The following NLGN1 variants were observed in gnomAD, a reference collection of about 807,000 sequenced individuals.
The protein encoded by NLGN1 is neuroligin-1.
A neutral mutation model predicts 65.5 loss-of-function variants in NLGN1; 12 were observed. The observed-to-expected ratio is 0.18, with a 90% CI of 0.12 to 0.30. The LOEUF (loss-of-function observed/expected upper bound fraction) is 0.30. Ranked by LOEUF, NLGN1 falls within the 10% of genes least tolerant of loss-of-function variation. The pLI, the probability that NLGN1 is intolerant of heterozygous loss-of-function variation, is 1.00. For synonymous variants in NLGN1, 350 were observed against 359.5 expected (o/e 0.97, Z 0.30); for missense variants, 750 against 1,007.1 (o/e 0.74, Z 3.46).
At chr3:174,202,021 C>T (rs1374362677) in intron 4 of NLGN1, among the ~76,000 whole-genome samples, 1 of 151,864 alleles carries the variant, frequency 6.6e-6, no homozygotes, top group Non-Finnish European at 1.5e-5. Flanking sequence ...CCCATTTCTT[C>T]CTCCTTCTTT....
At chr3:173,800,020 TAAA>T (rs34809469) in intron 3 of NLGN1, among the ~76,000 whole-genome samples, 1 of 141,228 alleles carries the variant, frequency 7.1e-6, no homozygotes, top group Non-Finnish European at 1.5e-5. Context: ...TTTTTTTTTT[TAAA>T]AGTCTTTGCT....
chr3:173,485,407 A>T (rs1258218313), intron 2 of NLGN1, among the ~76,000 whole-genome samples: 1 of 152,130 alleles, frequency 6.6e-6, no homozygotes, highest in African/African-American at 2.4e-5. Flanking sequence ...CCCTCCTTCA[A>T]AAATTGTTGT....
chr3:173,837,504 T>C (rs1723873102), intron 4 of NLGN1, among the ~76,000 whole-genome samples: 1 of 152,166 alleles, frequency 6.6e-6, no homozygotes, highest in Non-Finnish European at 1.5e-5. Context: ...GAAAAGCCTT[T>C]TGTTTCATAA....
chr3:174,065,806 G>T (rs1319172258), intron 4 of NLGN1, among the ~76,000 whole-genome samples: 1 of 151,936 alleles, frequency 6.6e-6, no homozygotes, highest in East Asian at 1.9e-4. Context: ...CAGCCACCAT[G>T]TTGTAACCTT....
chr3:174,269,679 G>A (rs182733565), intron 4 of NLGN1, among the ~76,000 whole-genome samples: 1 of 151,970 alleles, frequency 6.6e-6, no homozygotes, highest in East Asian at 1.9e-4. Context: ...TTGGGATCCT[G>A]CTTTGAATTC....
chr3:174,161,053 G>A (rs748813961), intron 4 of NLGN1, among the ~76,000 whole-genome samples: 3 of 151,702 alleles, frequency 2.0e-5, no homozygotes, highest in Non-Finnish European at 4.4e-5. Context: ...TCTTTCTATA[G>A]TCATTTCTGT....
At chr3:173,706,573 G>A (rs1165047758) in intron 3 of NLGN1, among the ~76,000 whole-genome samples, 1 of 152,098 alleles carries the variant, frequency 6.6e-6, no homozygotes, top group East Asian at 1.9e-4. Context: ...TATGTTCTGT[G>A]TTTCTCTAAG....
intron 4 of NLGN1, among the ~76,000 whole-genome samples, chr3:174,042,419 T>C (rs1732546752): frequency 6.6e-6 from 1 of 152,212 alleles, no homozygotes; most frequent in Admixed American, 6.5e-5. Context: ...GATTTATTTT[T>C]TACCATGTGG....
chr3:173,601,285 A>C lies in NLGN1; in HGVS notation c.-320-2994A>C, dbSNP rs147281610. ...GAATTCAAATACTAAAGTTTTGTCA[A>C]ACTTGCTGTAGTTTGCTGCTGGCCT... On this transcript the variant is annotated intron_variant, in intron 2 of 6. Transcript: ENST00000457714. Among the ~76,000 whole-genome samples the C allele has an allele frequency of 2.0e-5, 3 of 152,130 alleles. No homozygotes were observed. The East Asian group carries it at 5.8e-4, about 29-fold the overall frequency.
intron 3 of NLGN1, among the ~76,000 whole-genome samples, chr3:173,776,422 T>C (rs1486016594): frequency 3.3e-5 from 5 of 152,042 alleles, no homozygotes; most frequent in African/African-American, 1.2e-4. Flanking sequence ...TTTAATTATT[T>C]AACATTATCA....
At chr3:173,574,996 C>T (rs998250945) in intron 2 of NLGN1, among the ~76,000 whole-genome samples, 14 of 152,188 alleles carry the variant, frequency 9.2e-5, no homozygotes, top group East Asian at 5.8e-4. Flanking sequence ...GTGATCCTCC[C>T]GCCTCAGTCT....
chr3:174,179,901 T>C (rs1730079101), intron 4 of NLGN1, among the ~76,000 whole-genome samples: 1 of 152,170 alleles, frequency 6.6e-6, no homozygotes, highest in Admixed American at 6.6e-5. Flanking sequence ...AGATCTCATA[T>C]GGTGATACGT....
chr3:173,626,798 C>T (rs911916893), intron 3 of NLGN1, among the ~76,000 whole-genome samples: 6 of 151,930 alleles, frequency 3.9e-5, no homozygotes, highest in African/African-American at 7.3e-5. Context: ...ACCTTTTCTT[C>T]GGGAGATTTA....
intron 2 of NLGN1, among the ~76,000 whole-genome samples, chr3:173,538,918 T>G (rs1352717996): frequency 6.6e-6 from 1 of 151,550 alleles, no homozygotes; most frequent in Non-Finnish European, 1.5e-5. Flanking sequence ...CACACACATC[T>G]TCCCCAAATT....
At chr3:173,483,680 A>T (rs1002564479) in intron 2 of NLGN1, among the ~76,000 whole-genome samples, 1 of 152,012 alleles carries the variant, frequency 6.6e-6, no homozygotes, top group Non-Finnish European at 1.5e-5. Context: ...TGGAGAAAAA[A>T]GATTTGCTGA....
At chr3:173,880,797 T>A (rs1009614511) in intron 4 of NLGN1, among the ~76,000 whole-genome samples, 1 of 152,176 alleles carries the variant, frequency 6.6e-6, no homozygotes, top group Non-Finnish European at 1.5e-5. Flanking sequence ...AATTAACTCT[T>A]CTTCTCATAA....
At chr3:173,515,625 C>T (rs1460842474) in intron 2 of NLGN1, among the ~76,000 whole-genome samples, 1 of 152,046 alleles carries the variant, frequency 6.6e-6, no homozygotes, top group African/African-American at 2.4e-5. Context: ...TCAGATCTTA[C>T]ATCTAAGTGT....
At chr3:174,051,416 T>G (rs558491714) in intron 4 of NLGN1, among the ~76,000 whole-genome samples, 3 of 152,082 alleles carry the variant, frequency 2.0e-5, no homozygotes, top group African/African-American at 7.2e-5. Flanking sequence ...GCTGGTCGGC[T>G]GCCACCTAAA....
intron 3 of NLGN1, among the ~76,000 whole-genome samples, chr3:173,715,756 G>A (rs1769741715): frequency 6.6e-6 from 1 of 152,016 alleles, no homozygotes; most frequent in South Asian, 2.1e-4. Flanking sequence ...TTCGCAGATA[G>A]TTCATTAGTT....
Sources: gnomAD v4.1 joint callset for allele counts (sites outside exome capture counted in the v4.1 genomes callset) on GRCh38, gnomAD v4.1.1 for gene constraint, MANE v1.5 for transcripts, NCBI Gene and HGNC (gene_info 2026-07-23, HGNC 2026-07-21) for gene names.